COL8A1: variants seen among roughly 807,000 people sequenced by gnomAD.
The protein encoded by COL8A1 is collagen alpha-1(VIII) chain.
A neutral mutation model predicts 42.7 loss-of-function variants in COL8A1; 21 were observed. The ratio of observed to expected loss-of-function variants is 0.49; its 90% confidence interval spans 0.35 to 0.71. The LOEUF (loss-of-function observed/expected upper bound fraction) is 0.71. Among genes scored for constraint, COL8A1 ranks in the 30% least tolerant of loss-of-function variants. The pLI, the probability that COL8A1 is intolerant of heterozygous loss-of-function variation, is 0.01. For missense variants in COL8A1, 788 were observed against 962.4 expected, an observed-to-expected ratio of 0.82 and a Z score of 2.40; for synonymous variants, 367 against 369.1, an observed-to-expected ratio of 0.99 and a Z score of 0.06.
chr3:99,720,502 C>A (rs1336127316), intron 1 of COL8A1, among the ~76,000 whole-genome samples: 1 of 152,004 alleles, frequency 6.6e-6, no homozygotes, highest in Admixed American at 6.6e-5. Flanking sequence ...TTCTGCCAAT[C>A]TGAATTTTTC....
At chr3:99,694,742 T>C (rs937814365) in intron 1 of COL8A1, among the ~76,000 whole-genome samples, 6 of 152,220 alleles carry the variant, frequency 3.9e-5, no homozygotes, top group Admixed American at 3.3e-4. Flanking sequence ...CTTCATCTTA[T>C]ATAAGATTGC....
At chr3:99,657,930 C>G (rs1196978536) in intron 1 of COL8A1, among the ~76,000 whole-genome samples, 1 of 152,022 alleles carries the variant, frequency 6.6e-6, no homozygotes. Flanking sequence ...GAGTTTGAGA[C>G]AGCCTGACCA....
chr3:99,774,463 C>T (rs1379091924), intron 2 of COL8A1, among the ~76,000 whole-genome samples: 1 of 151,912 alleles, frequency 6.6e-6, no homozygotes, highest in Non-Finnish European at 1.5e-5. Context: ...CTTGTTCAGA[C>T]TGATATTAAA....
In COL8A1 at chr3:99,795,754, T is replaced by A. The variant is rs1212446708; in HGVS notation, c.1853T>A (p.Phe618Tyr). ...NGGPAYEMPA[F>Y]TAELTAPFPP... is the part of the protein sequence containing the mutation. Reference sequence around the variant, plus strand: ...GGGCCAGCCTATGAGATGCCTGCATTTACCGCCGAGCTAACCGCACCTTTC... The same window carrying A: ...GGGCCAGCCTATGAGATGCCTGCATATACCGCCGAGCTAACCGCACCTTTC... The change falls in exon 4 of 4, where the codon TTT becomes TAT. Residue 618 changes from phenylalanine (F) to tyrosine (Y), a missense_variant. Physicochemically the swap from Phe to Tyr is conservative, Grantham distance 22. This residue lies in a region of COL8A1 where 212 missense variants were observed against 210.9 expected (regional missense o/e 1.00). Coordinates refer to ENST00000652472, the MANE Select transcript of COL8A1 (RefSeq NM_020351.4). 6.2e-7 allele frequency: 1 copy of A among 1,614,042 alleles called. No homozygotes were observed. Among genetic ancestry groups the A allele is most frequent in the South Asian group, 1.1e-5 (1 of 91,062 alleles).
chr3:99,749,602 T>C (rs904507211), intron 2 of COL8A1, among the ~76,000 whole-genome samples: 1 of 152,194 alleles, frequency 6.6e-6, no homozygotes, highest in East Asian at 1.9e-4. Context: ...GGAGTCACTA[T>C]TCATGTTCTA....
At chr3:99,739,498 G>C (rs898435696) in intron 1 of COL8A1, among the ~76,000 whole-genome samples, 3 of 152,020 alleles carry the variant, frequency 2.0e-5, no homozygotes, top group Non-Finnish European at 4.4e-5. Flanking sequence ...GGATATCCAG[G>C]CATTTGCATA....
chr3:99,681,814 A>G (rs1472823500), intron 1 of COL8A1, among the ~76,000 whole-genome samples: 1 of 152,192 alleles, frequency 6.6e-6, no homozygotes, highest in African/African-American at 2.4e-5. Context: ...TGCTAAGTAT[A>G]TTACATTGGT....
At chr3:99,653,792 T>C (rs1165693236) in intron 1 of COL8A1, among the ~76,000 whole-genome samples, 2 of 151,570 alleles carry the variant, frequency 1.3e-5, no homozygotes, top group African/African-American at 2.4e-5. Flanking sequence ...TTAAGCCCTG[T>C]GCATATTCCC....
intron 2 of COL8A1, among the ~76,000 whole-genome samples, chr3:99,757,712 TAA>T (rs1336647992): frequency 1.3e-5 from 2 of 152,132 alleles, no homozygotes; most frequent in Non-Finnish European, 2.9e-5. Context: ...TGAAAACTAG[TAA>T]AGAAATAAAA....
At chr3:99,655,803 C>T (rs572265417) in intron 1 of COL8A1, among the ~76,000 whole-genome samples, 5 of 152,294 alleles carry the variant, frequency 3.3e-5, no homozygotes, top group Admixed American at 6.5e-5. Flanking sequence ...ATAATGTTAA[C>T]ACACGTGGTT....
chr3:99,664,902 C>T (rs558257009), intron 1 of COL8A1, among the ~76,000 whole-genome samples: 18 of 152,236 alleles, frequency 1.2e-4, no homozygotes, highest in African/African-American at 2.6e-4. Flanking sequence ...GGGAGGAGTG[C>T]GCCTCTCCAC....
intron 2 of COL8A1, among the ~76,000 whole-genome samples, chr3:99,787,491 T>C (rs1032068273): frequency 3.3e-5 from 5 of 152,250 alleles, no homozygotes; most frequent in African/African-American, 1.2e-4. Context: ...TTGAAAATCT[T>C]TGACATTTTA....
chr3:99,790,318 T>C (rs796869801), intron 2 of COL8A1, among the ~76,000 whole-genome samples: 1 of 152,168 alleles, frequency 6.6e-6, no homozygotes, highest in Admixed American at 6.5e-5. Context: ...TATACACAAT[T>C]GGCAAGAATG....
At chr3:99,677,418 A>T (rs950007566) in intron 1 of COL8A1, among the ~76,000 whole-genome samples, 30 of 152,288 alleles carry the variant, frequency 2.0e-4, no homozygotes, top group Middle Eastern at 3.4e-3. Flanking sequence ...ACCAGATAAC[A>T]GGAATGGCCT....
chr3:99,714,772 A>G (rs1939947792), intron 1 of COL8A1, among the ~76,000 whole-genome samples: 1 of 152,148 alleles, frequency 6.6e-6, no homozygotes, highest in Non-Finnish European at 1.5e-5. Flanking sequence ...AAAGACAGAT[A>G]TTGAATAAGA....
chr3:99,703,150 G>T (rs1213070142), intron 1 of COL8A1, among the ~76,000 whole-genome samples: 1 of 152,182 alleles, frequency 6.6e-6, no homozygotes, highest in Non-Finnish European at 1.5e-5. Flanking sequence ...ACTAGTGAGG[G>T]TATTGAGCAG....
At chr3:99,709,952 A>G (rs556038714) in intron 1 of COL8A1, among the ~76,000 whole-genome samples, 3 of 152,296 alleles carry the variant, frequency 2.0e-5, no homozygotes, top group Non-Finnish European at 4.4e-5. Context: ...CCTAGCTATC[A>G]GGCTATTTAT....
intron 2 of COL8A1, among the ~76,000 whole-genome samples, chr3:99,763,627 GA>G (rs914801212): frequency 2.1e-5 from 3 of 145,970 alleles, no homozygotes; most frequent in East Asian, 2.0e-4. Flanking sequence ...AACATTTTTG[GA>G]AAAAAAAAAC....
intron 1 of COL8A1, among the ~76,000 whole-genome samples, chr3:99,670,301 A>G (rs1938503458): frequency 6.6e-6 from 1 of 152,084 alleles, no homozygotes; most frequent in African/African-American, 2.4e-5. Context: ...TTTGCATGAA[A>G]TACATTGAAT....
Sources: allele counts gnomAD v4.1 joint callset (sites outside exome capture counted in the v4.1 genomes callset), GRCh38; gene constraint gnomAD v4.1.1; regional missense constraint gnomAD v4.1.1; transcripts MANE v1.5; gene names NCBI Gene and HGNC (gene_info 2026-07-23, HGNC 2026-07-21).